SCRN3: variants seen among roughly 807,000 people sequenced by gnomAD.
SCRN3 encodes secernin 3, also known as secernin-3.
Under a neutral mutation model 43.1 loss-of-function variants are expected in SCRN3, and 39 were observed. That is an observed-to-expected ratio of 0.91 (90% CI 0.70 to 1.18). The LOEUF is 1.18. Among genes scored for constraint, SCRN3 ranks in the 50% most tolerant of loss-of-function variants. The pLI, the probability that SCRN3 is intolerant of heterozygous loss-of-function variation, is 0.00. For missense variants in SCRN3, 484 were observed against 498.0 expected (o/e 0.97, Z 0.27); for synonymous variants, 147 against 163.1 (o/e 0.90, Z 0.75).
chr2:174,395,858 C>G (rs746472271), intron 1 of SCRN3, 41 bp downstream of exon 1: 11 of 1,458,954 alleles, frequency 7.5e-6, no homozygotes, highest in Non-Finnish European at 7.2e-6. Flanking sequence ...ATAGTTGAGA[C>G]AGAAACCCGG....
At chr2:174,422,848 C>T (rs1686338551) in intron 5 of SCRN3, 37 bp from the exon 6 acceptor site, 2 of 1,362,334 alleles carry the variant, frequency 1.5e-6, no homozygotes, top group Non-Finnish European at 1.0e-6. Flanking sequence ...TCCGTATATG[C>T]ATATGTATTT....
chr2:174,418,601 C>A (rs1686193888), intron 5 of SCRN3, among the ~76,000 whole-genome samples: 1 of 152,176 alleles, frequency 6.6e-6, no homozygotes, highest in Admixed American at 6.5e-5. Flanking sequence ...TGTAAATCCT[C>A]CTTTCATTTT....
chr2:174,424,743 T>C (rs1340033508), intron 7 of SCRN3, 94 bp downstream of exon 7: 1 of 912,674 alleles, frequency 1.1e-6, no homozygotes, highest in Non-Finnish European at 1.6e-6. Flanking sequence ...CCTCCCTTCT[T>C]ATAAGAAATA....
intron 7 of SCRN3, among the ~76,000 whole-genome samples, chr2:174,425,427 C>T (rs928780519): frequency 6.6e-6 from 1 of 152,140 alleles, no homozygotes; most frequent in African/African-American, 2.4e-5. Flanking sequence ...AATCTTTTCT[C>T]GTCTGTTTCT....
In SCRN3 at chr2:174,427,784, C is replaced by T. The variant is rs779761994; in HGVS notation, c.1164C>T (p.Ile388=). ...EKELFREMES[I]LQNKHLDVEK... ...AACTATTCAGAGAGATGGAATCAAT[C>T]CTTCAAAACAAGCATCTTGATGTGG... is the stretch of plus-strand genomic sequence containing the variant. Residue 388 remains isoleucine (I), a synonymous_variant, in exon 8 of 8, where the codon ATC becomes ATT. Transcript: ENST00000272732. The T allele has an allele frequency of 9.3e-6, 15 of 1,611,896 alleles. No homozygotes were observed. The highest frequency in any genetic ancestry group is 5.0e-5 in the Admixed American group (3 of 59,964).
intron 5 of SCRN3, among the ~76,000 whole-genome samples, chr2:174,409,151 C>T (rs1284618751): frequency 3.8e-4 from 47 of 122,748 alleles, no homozygotes; most frequent in Non-Finnish European, 7.2e-5. Flanking sequence ...GGAGGCTTTG[C>T]TCATTTCTTT....
chr2:174,415,797 A>G (rs923378883), intron 5 of SCRN3, among the ~76,000 whole-genome samples: 5 of 152,108 alleles, frequency 3.3e-5, no homozygotes, highest in African/African-American at 1.2e-4. Context: ...GGTGTGCACT[A>G]CCATGCTAGG....
rs571309395 is a variant in SCRN3 at position 174,415,024 on chromosome 2, C to T, written c.755-7861C>T. On this transcript the variant is annotated intron_variant, in intron 5 of 7. Coordinates refer to ENST00000272732, the MANE Select transcript of SCRN3 (RefSeq NM_024583.5). ...AAATGAGCCGCCCACCTTGGCCTCC[C>T]AAAGTGCTGGGATTATAGGCGTGAG... Among the ~76,000 whole-genome samples, 45 of 152,254 alleles carry T rather than the reference C, an allele frequency of 3.0e-4. 1 individual carries two copies. Among genetic ancestry groups the T allele is most frequent in the African/African-American group, 1.0e-3 (43 of 41,568 alleles).
intron 1 of SCRN3, chr2:174,396,257 A>C: frequency 1.0e-6 from 1 of 992,902 alleles, no homozygotes; most frequent in South Asian, 4.7e-5. Flanking sequence ...GACGTTCAAT[A>C]AATACTTATT....
At chr2:174,423,777 CTTTTTTTTTTT>C (rs67646903) in intron 6 of SCRN3, among the ~76,000 whole-genome samples, 1 of 95,856 alleles carries the variant, frequency 1.0e-5, no homozygotes, top group Non-Finnish European at 2.0e-5. Flanking sequence ...CCAAGTCTTC[CTTTTTTTTTTT>C]TTTTTTTTTT....
chr2:174,404,782 G>A (rs1240425554), intron 5 of SCRN3, among the ~76,000 whole-genome samples: 1 of 120,094 alleles, frequency 8.3e-6, no homozygotes, highest in Non-Finnish European at 1.8e-5. Flanking sequence ...CAAAGGACAC[G>A]AACTCATCAT....
intron 5 of SCRN3, among the ~76,000 whole-genome samples, chr2:174,408,597 C>T (rs1264794209): frequency 8.4e-5 from 12 of 142,842 alleles, no homozygotes; most frequent in East Asian, 2.1e-4. Flanking sequence ...CGGCTGGTAC[C>T]GGTTGTTCCT....
chr2:174,402,498 G>A (rs1685540672), intron 4 of SCRN3, among the ~76,000 whole-genome samples: 1 of 152,120 alleles, frequency 6.6e-6, no homozygotes, highest in South Asian at 2.1e-4. Flanking sequence ...GACCAGCTTG[G>A]GCAACACAGT....
intron 5 of SCRN3, chr2:174,410,471 C>G (rs1464215780): frequency 6.5e-6 from 1 of 153,012 alleles, no homozygotes; most frequent in Non-Finnish European, 1.5e-5. Flanking sequence ...ATTCGGCCAT[C>G]TTGGCTCCTC....
rs1405120304 is a variant in SCRN3 at position 174,428,299 on chromosome 2, C to G, written c.*404C>G. The G allele has an allele frequency of 6.5e-6, 1 of 152,888 alleles. No individual in the cohort carries two copies. The highest frequency in any genetic ancestry group is 2.4e-5 in the African/African-American group (1 of 41,442). 9.5% of individuals were successfully genotyped at this position (152,888 alleles called of 1,614,324 possible). A position where few individuals can be genotyped will look rare whatever the true frequency, so the allele number is the denominator to read the frequency against. On this transcript the variant is annotated 3_prime_UTR_variant, in exon 8 of 8. Coordinates refer to ENST00000272732, the MANE Select transcript of SCRN3 (RefSeq NM_024583.5). ...AGTTACATCAAGAAAGCAGATTTTTCTTTAGTCATGAAAAATATCTCAAGT... is the reference window on the plus strand; with the variant it reads ...AGTTACATCAAGAAAGCAGATTTTTGTTTAGTCATGAAAAATATCTCAAGT...
chr2:174,417,644 C>G (rs1370443661), intron 5 of SCRN3, among the ~76,000 whole-genome samples: 1 of 152,302 alleles, frequency 6.6e-6, no homozygotes, highest in South Asian at 2.1e-4. Flanking sequence ...CCGCCCACCT[C>G]GGCCTCCCAA....
intron 5 of SCRN3, among the ~76,000 whole-genome samples, chr2:174,413,832 C>A (rs1686012887): frequency 6.6e-6 from 1 of 151,774 alleles, no homozygotes; most frequent in Non-Finnish European, 1.5e-5. Flanking sequence ...CTCAGATGTT[C>A]CACCCACCTA....
At chr2:174,400,201 TGATA>T (rs1462470461) in intron 3 of SCRN3, 98 bp downstream of exon 3, 4 of 877,084 alleles carry the variant, frequency 4.6e-6, no homozygotes, top group Non-Finnish European at 6.8e-6. Flanking sequence ...GAGGGGGCTT[TGATA>T]CTTTGCAGTT....
chr2:174,425,660 T>A (rs1686456526), intron 7 of SCRN3, among the ~76,000 whole-genome samples: 1 of 152,030 alleles, frequency 6.6e-6, no homozygotes, highest in Non-Finnish European at 1.5e-5. Flanking sequence ...TATTTGAAAA[T>A]TTTTATTTAA....
Sources: gnomAD v4.1 joint callset for allele counts (sites outside exome capture counted in the v4.1 genomes callset) on GRCh38, gnomAD v4.1.1 for gene constraint, MANE v1.5 for transcripts, NCBI Gene and HGNC (gene_info 2026-07-23, HGNC 2026-07-21) for gene names.